DLG1: variants seen among roughly 807,000 people sequenced by gnomAD.
The protein encoded by DLG1 is disks large homolog 1.
DLG1 carries 42 observed loss-of-function variants against 123.4 expected under a neutral mutation model. That is an observed-to-expected ratio of 0.34 (90% CI 0.27 to 0.44). The LOEUF is 0.44. Among genes scored for constraint, DLG1 ranks in the 20% least tolerant of loss-of-function variants. The probability of loss-of-function intolerance (pLI) is 1.00; values close to 1 mark genes in which losing one functional copy is unlikely to be tolerated. For missense variants in DLG1, 942 were observed against 1,082.6 expected (o/e 0.87, Z 1.82); for synonymous variants, 317 against 356.2 (o/e 0.89, Z 1.24).
At chr3:197,177,988 A>G (rs1577575892) in intron 5 of DLG1, among the ~76,000 whole-genome samples, 1 of 152,290 alleles carries the variant, frequency 6.6e-6, no homozygotes, top group East Asian at 1.9e-4. Context: ...CTCATTCAAC[A>G]AATATTTTCT....
intron 24 of DLG1, among the ~76,000 whole-genome samples, chr3:197,046,291 C>CAGGAACTGACTTGGGAAATATACATTT (rs1480021728): frequency 7.2e-4 from 110 of 152,212 alleles, no homozygotes; most frequent in Admixed American, 3.7e-3. Context: ...AGAAAACAGT[C>CAGGAACTGACTTGGGAAATATACATTT]AGGAACTGAC....
intron 5 of DLG1, among the ~76,000 whole-genome samples, chr3:197,173,402 T>C (rs1310453525): frequency 6.6e-6 from 1 of 152,188 alleles, no homozygotes; most frequent in Non-Finnish European, 1.5e-5. Flanking sequence ...GATAACACTT[T>C]CATCCCCATT....
intron 5 of DLG1, among the ~76,000 whole-genome samples, chr3:197,164,147 T>TTTGGGAGGCCGATGCGGGTGGA (rs1800105494): frequency 6.6e-6 from 1 of 151,916 alleles, no homozygotes; most frequent in Non-Finnish European, 1.5e-5. Flanking sequence ...ATCTCAGCAC[T>TTTGGGAGGCCGATGCGGGTGGA]TTGGGAGGCC....
Position 197,066,633 on chromosome 3 carries a change from G to T in DLG1, c.2098+71C>A, listed in dbSNP as rs113940317. On this transcript the variant is annotated intron_variant, in intron 20 of 24. Coordinates refer to ENST00000667157, the MANE Select transcript of DLG1 (RefSeq NM_001366207.1). ...TAATACAACATTTTTTGGGGTATGA[G>T]AATTTTTTTCCCCCAAATTAAAAAG... 57 of 1,231,618 alleles carry T rather than the reference G, an allele frequency of 4.6e-5. 1 individual carries two copies. The African/African-American group carries it at 5.1e-4, about 11-fold the overall frequency. 76.3% of individuals were successfully genotyped at this position (1,231,618 alleles called of 1,614,324 possible).
chr3:197,249,135 T>G (rs1753169325), intron 4 of DLG1, among the ~76,000 whole-genome samples: 1 of 151,352 alleles, frequency 6.6e-6, no homozygotes, highest in Admixed American at 6.6e-5. Context: ...AAAATACAGA[T>G]GATCAACAAA....
intron 24 of DLG1, among the ~76,000 whole-genome samples, chr3:197,048,957 A>G (rs372922629): frequency 1.3e-5 from 2 of 152,142 alleles, no homozygotes; most frequent in Non-Finnish European, 2.9e-5. Flanking sequence ...GTGCCCAGCC[A>G]CCTCAAAAAA....
chr3:197,176,093 T>C (rs764912660), intron 5 of DLG1, among the ~76,000 whole-genome samples: 1 of 152,152 alleles, frequency 6.6e-6, no homozygotes, highest in Non-Finnish European at 1.5e-5. Flanking sequence ...ATAAAACACA[T>C]TTCCTAACTA....
At chr3:197,253,682 G>A (rs1447427453) in intron 4 of DLG1, among the ~76,000 whole-genome samples, 6 of 152,094 alleles carry the variant, frequency 3.9e-5, no homozygotes, top group South Asian at 2.1e-4. Context: ...GTTGCTTTGA[G>A]TTAAGAAGGG....
chr3:197,074,740 T>C (rs373319035), intron 18 of DLG1, among the ~76,000 whole-genome samples: 2 of 151,892 alleles, frequency 1.3e-5, no homozygotes, highest in African/African-American at 2.4e-5. Context: ...ACAGAAAGAG[T>C]TGTAAATAAA....
chr3:197,121,165 C>T (rs1048774188), intron 11 of DLG1, among the ~76,000 whole-genome samples: 2 of 152,218 alleles, frequency 1.3e-5, no homozygotes, highest in Non-Finnish European at 1.5e-5. Context: ...TTAGTCAATG[C>T]ATCCTTTCTG....
chr3:197,116,037 A>T lies in DLG1; in HGVS notation c.1333T>A (p.Phe445Ile), dbSNP rs1560783246. The stretch of plus-strand genomic sequence containing the variant: ...CCATCTTCTCCTCCTACAATGTTGA[A>T]ACCAAGGCCCGTTGAGCCACGATGA... ...VLHRGSTGLG[F>I]NIVGGEDGEG... Residue 445 changes from phenylalanine (F) to isoleucine (I), a missense_variant, in exon 13 of 25, where the codon TTC (phenylalanine) becomes ATC (isoleucine). Phe to Ile is a conservative substitution (Grantham distance 21, BLOSUM62 0). Transcript: ENST00000667157. 2 of 1,612,572 alleles carry T rather than the reference A, an allele frequency of 1.2e-6. No homozygotes were observed. Among genetic ancestry groups the T allele is most frequent in the South Asian group, 2.2e-5 (2 of 90,560 alleles).
chr3:197,057,228 C>T (rs1157467498), intron 23 of DLG1, among the ~76,000 whole-genome samples: 2 of 152,106 alleles, frequency 1.3e-5, no homozygotes, highest in Non-Finnish European at 2.9e-5. Flanking sequence ...TACAGGAATG[C>T]ACCACCACAT....
intron 11 of DLG1, among the ~76,000 whole-genome samples, chr3:197,127,122 A>T (rs1161236497): frequency 6.6e-6 from 1 of 152,008 alleles, no homozygotes; most frequent in East Asian, 1.9e-4. Context: ...TTATATATTT[A>T]AAAAACTGAA....
intron 14 of DLG1, among the ~76,000 whole-genome samples, chr3:197,093,392 C>T (rs1040230149): frequency 2.0e-5 from 3 of 152,118 alleles, no homozygotes; most frequent in Admixed American, 2.0e-4. Flanking sequence ...CTCTTGACCT[C>T]GTAATCCGCC....
rs564030056 is a variant in DLG1, at chr3:197,052,585, CA to C, written c.2484-918del. 3.3e-5 allele frequency among the ~76,000 whole-genome samples: 5 copies of C among 152,012 alleles called. No individual in the cohort carries two copies. In the East Asian group the frequency reaches 7.7e-4, roughly 23 times the overall value. The stretch of plus-strand genomic sequence containing the variant: ...AAATTCTGCATCAGCTCAGTGTAGC[CA>C]AAAAACCTATTCATTAATTTATGAT... On this transcript the variant is annotated intron_variant, in intron 23 of 24. Transcript: ENST00000667157.
At chr3:197,199,475 A>C (rs1306734155) in intron 4 of DLG1, among the ~76,000 whole-genome samples, 1 of 152,206 alleles carries the variant, frequency 6.6e-6, no homozygotes, top group Non-Finnish European at 1.5e-5. Flanking sequence ...TATATGAAAC[A>C]AATTTCATCC....
chr3:197,279,573 A>G (rs1035777793), intron 4 of DLG1, among the ~76,000 whole-genome samples: 4 of 152,206 alleles, frequency 2.6e-5, no homozygotes, highest in Non-Finnish European at 4.4e-5. Context: ...TTCCAAACTA[A>G]TAAGATCTGA....
intron 24 of DLG1, among the ~76,000 whole-genome samples, chr3:197,045,239 A>G (rs1722114800): frequency 6.6e-6 from 1 of 151,984 alleles, no homozygotes; most frequent in Non-Finnish European, 1.5e-5. Flanking sequence ...CTAGCTTGTT[A>G]GTGGTTAGAG....
intron 13 of DLG1, 42 bp from the exon 14 acceptor site, chr3:197,105,047 C>T (rs774172951): frequency 3.0e-6 from 4 of 1,315,834 alleles, no homozygotes; most frequent in Non-Finnish European, 4.3e-6. Context: ...AAAAGAATCA[C>T]TGTGATTAGA....
Sources: allele counts gnomAD v4.1 joint callset (sites outside exome capture counted in the v4.1 genomes callset), GRCh38; gene constraint gnomAD v4.1.1; transcripts MANE v1.5; gene names NCBI Gene and HGNC (gene_info 2026-07-23, HGNC 2026-07-21).